Variants in ZNF207 observed in about 807,000 individuals in gnomAD.
ZNF207 encodes the protein zinc finger protein 207.
A neutral mutation model predicts 60.2 loss-of-function variants in ZNF207; 24 were observed. That is an observed-to-expected ratio of 0.40 (90% CI 0.29 to 0.56). The LOEUF is 0.56. ZNF207 is among the 20% of genes least tolerant of loss of function. The pLI, the probability that ZNF207 is intolerant of heterozygous loss-of-function variation, is 0.49. For missense variants in ZNF207, 452 were observed against 636.6 expected, an observed-to-expected ratio of 0.71 and a Z score of 3.12; for synonymous variants, 236 against 194.7, an observed-to-expected ratio of 1.21 and a Z score of -1.77.
rs753795345 is a variant in ZNF207, at chr17:32,380,087, G to A, written c.*10328G>A. 6.6e-6 allele frequency: 1 copy of A among 152,540 alleles called. No individual in the cohort carries two copies. Among genetic ancestry groups the A allele is most frequent in the Non-Finnish European group, 1.5e-5 (1 of 68,008 alleles). The allele number at this position is 152,540 out of a possible 1,614,324, so 9.4% of individuals were successfully genotyped here. A position where few individuals can be genotyped will look rare whatever the true frequency, so the allele number is the denominator to read the frequency against. On this transcript the variant is annotated 3_prime_UTR_variant, in exon 12 of 12. Coordinates refer to ENST00000394670, the MANE Select transcript of ZNF207 (RefSeq NM_001098507.2). ...TGTGGCAATGCATTCTTCTAGATAA[G>A]CACTAAACAAAGTATGGACCCTCAA...
chr17:32,365,984 C>CT (rs1344950526), intron 8 of ZNF207, among the ~76,000 whole-genome samples: 2 of 151,996 alleles, frequency 1.3e-5, no homozygotes, highest in South Asian at 2.1e-4. Flanking sequence ...TCTTACTGGT[C>CT]TTTTTTCAAA....
Position 32,373,773 on chromosome 17 carries a change from TG to T in ZNF207, c.*4015del, listed in dbSNP as rs1905563548. The T allele has an allele frequency of 4.8e-6, 1 of 209,576 alleles. No individual in the cohort carries two copies. The highest frequency in any genetic ancestry group is 9.3e-6 in the Non-Finnish European group (1 of 106,984). The allele number at this position is 209,576 out of a possible 1,614,324, so 13.0% of individuals were successfully genotyped here. A position where few individuals can be genotyped will look rare whatever the true frequency, so the allele number is the denominator to read the frequency against. ...GATATTTTTGATTGGAGGCAAGAAA[TG>T]TTTCATTCAAGTTTTTTACTTTCAC... On this transcript the variant is annotated 3_prime_UTR_variant, in exon 12 of 12. Transcript: ENST00000394670.
At position 32,373,245 on chromosome 17, in the gene ZNF207, T is replaced by C; in HGVS notation, c.*3486T>C. On this transcript the variant is annotated 3_prime_UTR_variant, in exon 12 of 12. Transcript: ENST00000394670. Reference sequence around the variant, plus strand: ...TTCCCCAACAAAAAGAAGTACGGGCTCAGAGTGGAATTGTAGTGGACAATA... The same window carrying C: ...TTCCCCAACAAAAAGAAGTACGGGCCCAGAGTGGAATTGTAGTGGACAATA... 2.2e-6 allele frequency: 1 copy of C among 462,368 alleles called. No individual in the cohort carries two copies. The highest frequency in any genetic ancestry group is 3.9e-6 in the Non-Finnish European group (1 of 258,950). 28.6% of individuals were successfully genotyped at this position (462,368 alleles called of 1,614,324 possible). A position where few individuals can be genotyped will look rare whatever the true frequency, so the allele number is the denominator to read the frequency against.
At position 32,360,885 on chromosome 17, in the gene ZNF207, C is replaced by T. The variant is rs372903376; in HGVS notation, c.476-7C>T. On this transcript the variant is annotated splice_polypyrimidine_tract_variant and splice_region_variant and intron_variant, in intron 4 of 11. Coordinates refer to ENST00000394670, the MANE Select transcript of ZNF207 (RefSeq NM_001098507.2). Reference sequence around the variant, plus strand: ...GTTATTATTTTGATTGAAATTCTTGCTTGTAGGCATACCTCCATTAATGCC... The same window carrying T: ...GTTATTATTTTGATTGAAATTCTTGTTTGTAGGCATACCTCCATTAATGCC... The T allele has an allele frequency of 1.1e-5, 18 of 1,613,922 alleles. No individual in the cohort carries two copies. The East Asian group carries it at 1.6e-4, about 14-fold the overall frequency.
Position 32,369,766 on chromosome 17 carries a change from T to C in ZNF207, c.*7T>C. ...GCAAGGTGGCCGTTACTGATCTTACTTCATCCAGTCTAATAGGTTTGGAGA... is the reference window on the plus strand; with the variant it reads ...GCAAGGTGGCCGTTACTGATCTTACCTCATCCAGTCTAATAGGTTTGGAGA... On this transcript the variant is annotated 3_prime_UTR_variant, in exon 12 of 12. Transcript: ENST00000394670. The C allele has an allele frequency of 1.3e-6, 2 of 1,516,340 alleles. No individual in the cohort carries two copies. The highest frequency in any genetic ancestry group is 1.8e-6 in the Non-Finnish European group (2 of 1,133,162). 93.9% of individuals were successfully genotyped at this position (1,516,340 alleles called of 1,614,324 possible). A position where few individuals can be genotyped will look rare whatever the true frequency, so the allele number is the denominator to read the frequency against.
At chr17:32,351,509 G>T in intron 1 of ZNF207, 1 of 1,499,704 alleles carries the variant, frequency 6.7e-7, no homozygotes, top group South Asian at 1.3e-5. Flanking sequence ...AAGTTTCACC[G>T]ACATCTCTGT....
At chr17:32,353,990 G>C (rs1008845520) in intron 2 of ZNF207, among the ~76,000 whole-genome samples, 1 of 151,524 alleles carries the variant, frequency 6.6e-6, no homozygotes, top group Non-Finnish European at 1.5e-5. Flanking sequence ...AGAACATTTT[G>C]TTTTGATTGA....
rs1905753264 is a variant in ZNF207, at chr17:32,378,338, A to G, written c.*8579A>G. 1 of 152,024 alleles carries G rather than the reference A, an allele frequency of 6.6e-6. No homozygotes were observed. The highest frequency in any genetic ancestry group is 2.4e-5 in the African/African-American group (1 of 41,432). 9.4% of individuals were successfully genotyped at this position (152,024 alleles called of 1,614,324 possible). A position where few individuals can be genotyped will look rare whatever the true frequency, so the allele number is the denominator to read the frequency against. On this transcript the variant is annotated 3_prime_UTR_variant, in exon 12 of 12. Transcript: ENST00000394670. Reference sequence around the variant, plus strand: ...TAAGCTATTTCATGGTGGTTCTCTCATTCACCTTTTAACTTTTTACATTAT... The same window carrying G: ...TAAGCTATTTCATGGTGGTTCTCTCGTTCACCTTTTAACTTTTTACATTAT...
Position 32,370,343 on chromosome 17 carries a change from T to A in ZNF207, c.*584T>A, listed in dbSNP as rs1324059508. The A allele has an allele frequency of 6.6e-6, 1 of 152,670 alleles. No homozygotes were observed. The highest frequency in any genetic ancestry group is 2.1e-4 in the South Asian group (1 of 4,834). The allele number at this position is 152,670 out of a possible 1,614,324, so 9.5% of individuals were successfully genotyped here. ...CATTGTAATAAAATGAGAGAAAAAT[T>A]TATGCCTTTTTATTCATAACCCAGC... On this transcript the variant is annotated 3_prime_UTR_variant, in exon 12 of 12. Transcript: ENST00000394670.
At position 32,369,830 on chromosome 17, in the gene ZNF207, G is replaced by A; in HGVS notation, c.*71G>A. The stretch of plus-strand genomic sequence containing the variant: ...CAACTTGTGCTGTTTATATAGCCAA[G>A]CTTCCGTCAATAAGGCTTCATTGTG... On this transcript the variant is annotated 3_prime_UTR_variant, in exon 12 of 12. Transcript: ENST00000394670. 7.4e-7 allele frequency: 1 copy of A among 1,348,948 alleles called. No homozygotes were observed. Among genetic ancestry groups the A allele is most frequent in the Non-Finnish European group, 9.6e-7 (1 of 1,039,406 alleles). The allele number at this position is 1,348,948 out of a possible 1,614,324, so 83.6% of individuals were successfully genotyped here. A position where few individuals can be genotyped will look rare whatever the true frequency, so the allele number is the denominator to read the frequency against.
At chr17:32,353,975 G>A (rs1904347172) in intron 2 of ZNF207, among the ~76,000 whole-genome samples, 1 of 152,076 alleles carries the variant, frequency 6.6e-6, no homozygotes, top group South Asian at 2.1e-4. Flanking sequence ...TGGGTAGTGT[G>A]GATAAGAACA....
In ZNF207 at chr17:32,372,235, G is replaced by A. The variant is rs1597798117; in HGVS notation, c.*2476G>A. On this transcript the variant is annotated 3_prime_UTR_variant, in exon 12 of 12. Coordinates refer to ENST00000394670, the MANE Select transcript of ZNF207 (RefSeq NM_001098507.2). ...GAATGGCGTGAACCCGGGAGGCATAGCTTGCAGTGAGCGGAGATCACACCA... is the reference window on the plus strand; with the variant it reads ...GAATGGCGTGAACCCGGGAGGCATAACTTGCAGTGAGCGGAGATCACACCA... 1 of 152,178 alleles carries A rather than the reference G, an allele frequency of 6.6e-6. No individual in the cohort carries two copies. Among genetic ancestry groups the A allele is most frequent in the Non-Finnish European group, 1.5e-5 (1 of 68,066 alleles). 9.4% of individuals were successfully genotyped at this position (152,178 alleles called of 1,614,324 possible).
At chr17:32,350,680 G>A (rs2041486091) in intron 1 of ZNF207, among the ~76,000 whole-genome samples, 2 of 152,102 alleles carry the variant, frequency 1.3e-5, no homozygotes, top group Admixed American at 6.6e-5. Flanking sequence ...ACTTTTCTTC[G>A]AGTGCGATAG....
chr17:32,360,894 A>T lies in ZNF207; in HGVS notation c.478A>T (p.Ile160Leu). The change falls in exon 5 of 12, where the codon ATA becomes TTA. Residue 160 changes from isoleucine (I) to leucine (L), a missense_variant and splice_region_variant. Physicochemically the swap from Ile to Leu is conservative, Grantham distance 5. Around this residue, in one of 2 missense-constraint regions of ZNF207, gnomAD observed 390 missense variants for 461.4 expected, o/e 0.85. Coordinates refer to ENST00000394670, the MANE Select transcript of ZNF207 (RefSeq NM_001098507.2). Reference protein sequence around the residue: ...VPGAPGMPPGIPPLMPGVPPL... With the variant: ...VPGAPGMPPGLPPLMPGVPPL... The stretch of plus-strand genomic sequence containing the variant: ...TTGATTGAAATTCTTGCTTGTAGGC[A>T]TACCTCCATTAATGCCAGGTGTTCC... 2.5e-6 allele frequency: 4 copies of T among 1,614,152 alleles called. No individual in the cohort carries two copies. Among genetic ancestry groups the T allele is most frequent in the Non-Finnish European group, 3.4e-6 (4 of 1,180,034 alleles).
intron 1 of ZNF207, 47 bp downstream of exon 1, chr17:32,350,373 G>T: frequency 6.2e-7 from 1 of 1,613,036 alleles, no homozygotes; most frequent in Non-Finnish European, 8.5e-7. Flanking sequence ...GGTGCCGGTT[G>T]TTGGGGCCTG....
chr17:32,378,682 T>A lies in ZNF207; in HGVS notation c.*8923T>A, dbSNP rs1014052276. The stretch of plus-strand genomic sequence containing the variant: ...GGGACATAATGGGTTGTGGAAAATG[T>A]GTTTTAACATTTTTATTTTTTTTTT... On this transcript the variant is annotated 3_prime_UTR_variant, in exon 12 of 12. Transcript: ENST00000394670. 1.3e-5 allele frequency: 2 copies of A among 152,080 alleles called. No individual in the cohort carries two copies. 9.4% of individuals were successfully genotyped at this position (152,080 alleles called of 1,614,324 possible). A position where few individuals can be genotyped will look rare whatever the true frequency, so the allele number is the denominator to read the frequency against.
rs1487202938 is a variant in ZNF207, at chr17:32,362,915, A to G, written c.601A>G (p.Met201Val). ...YTQSFCGENI[M>V]MPMGGMMPPG... is the part of the protein sequence containing the mutation. ...TTCTTGAAATTTGCTTTCTAATAGA[A>G]TGATGCCAATGGGTGGAATGATGCC... is the stretch of plus-strand genomic sequence containing the variant. The change falls in exon 7 of 12, where the codon ATG (methionine) becomes GTG (valine). Residue 201 changes from methionine (M) to valine (V), a missense_variant and splice_region_variant. By Grantham distance (21) the Met-to-Val change is conservative. This residue lies in a region of ZNF207 where 390 missense variants were observed against 461.4 expected (regional missense o/e 0.85). Coordinates refer to ENST00000394670, the MANE Select transcript of ZNF207 (RefSeq NM_001098507.2). 16 of 1,613,092 alleles carry G rather than the reference A, an allele frequency of 9.9e-6. No homozygotes were observed. Among genetic ancestry groups the G allele is most frequent in the Non-Finnish European group, 1.4e-5 (16 of 1,179,910 alleles).
Position 32,351,359 on chromosome 17 carries a change from T to G in ZNF207, c.42-427T>G, listed in dbSNP as rs912415791. On this transcript the variant is annotated intron_variant, in intron 1 of 11. Coordinates refer to ENST00000394670, the MANE Select transcript of ZNF207 (RefSeq NM_001098507.2). ...TATAGTTACTCTTAGATTCTAAATATTGCTAAATTCCTAATCCAGTTATTG... is the reference window on the plus strand; with the variant it reads ...TATAGTTACTCTTAGATTCTAAATAGTGCTAAATTCCTAATCCAGTTATTG... 5.8e-6 allele frequency: 5 copies of G among 855,076 alleles called. No individual in the cohort carries two copies. In the African/African-American group the frequency reaches 7.1e-5, roughly 12 times the overall value. 53.0% of individuals were successfully genotyped at this position (855,076 alleles called of 1,614,324 possible). A position where few individuals can be genotyped will look rare whatever the true frequency, so the allele number is the denominator to read the frequency against.
rs779982434 is a variant in ZNF207, at chr17:32,377,325, C to T, written c.*7566C>T. Reference sequence around the variant, plus strand: ...AAAAAAAGATTTGCACCATCATATCCGAGTCTTTACTAATAAAATGAGGCT... The same window carrying T: ...AAAAAAAGATTTGCACCATCATATCTGAGTCTTTACTAATAAAATGAGGCT... On this transcript the variant is annotated 3_prime_UTR_variant, in exon 12 of 12. Transcript: ENST00000394670. The T allele has an allele frequency of 1.3e-5, 2 of 151,760 alleles. No individual in the cohort carries two copies. The highest frequency in any genetic ancestry group is 4.8e-5 in the African/African-American group (2 of 41,348). 9.4% of individuals were successfully genotyped at this position (151,760 alleles called of 1,614,324 possible). A position where few individuals can be genotyped will look rare whatever the true frequency, so the allele number is the denominator to read the frequency against.
Sources: allele counts gnomAD v4.1 joint callset (sites outside exome capture counted in the v4.1 genomes callset), GRCh38; gene constraint gnomAD v4.1.1; regional missense constraint gnomAD v4.1.1; transcripts MANE v1.5; gene names NCBI Gene and HGNC (gene_info 2026-07-23, HGNC 2026-07-21).